The following ATRNL1 variants were observed in gnomAD, a reference collection of about 807,000 sequenced individuals.
The protein encoded by ATRNL1 is attractin like 1, also known as attractin-like protein 1.
Under a neutral mutation model 182.7 loss-of-function variants are expected in ATRNL1, and 95 were observed. The ratio of observed to expected loss-of-function variants is 0.52; its 90% CI spans 0.44 to 0.62. ATRNL1 has a LOEUF of 0.62. Among genes scored for constraint, ATRNL1 ranks in the 20% least tolerant of loss-of-function variants. ATRNL1 has a pLI of 0.00. For synonymous variants in ATRNL1, 576 were observed against 568.3 expected (o/e 1.01, Z -0.19); for missense variants, 1,471 against 1,679.5 (o/e 0.88, Z 2.17).
chr10:115,601,605 A>G (rs781953291), intron 26 of ATRNL1, among the ~76,000 whole-genome samples: 4 of 152,164 alleles, frequency 2.6e-5, no homozygotes, highest in Non-Finnish European at 5.9e-5. Context: ...ATGATTTAAC[A>G]TATTATTATG....
chr10:115,104,420 G>A (rs1034422362), intron 1 of ATRNL1, among the ~76,000 whole-genome samples: 4 of 152,152 alleles, frequency 2.6e-5, no homozygotes, highest in African/African-American at 7.2e-5. Flanking sequence ...CATTGTTTGA[G>A]CTTATTATAT....
chr10:115,920,519 T>C (rs1953019190), intron 28 of ATRNL1, among the ~76,000 whole-genome samples: 1 of 152,242 alleles, frequency 6.6e-6, no homozygotes, highest in Non-Finnish European at 1.5e-5. Flanking sequence ...ACCTGTGTTA[T>C]AGACACCCAG....
intron 13 of ATRNL1, among the ~76,000 whole-genome samples, chr10:115,269,145 G>A (rs537695219): frequency 5.3e-4 from 81 of 152,096 alleles, no homozygotes; most frequent in African/African-American, 1.9e-3. Context: ...ATTTGTTGTG[G>A]GAGGGCTGTT....
chr10:115,151,081 A>G (rs1315166592), intron 5 of ATRNL1, among the ~76,000 whole-genome samples: 1 of 152,236 alleles, frequency 6.6e-6, no homozygotes, highest in Non-Finnish European at 1.5e-5. Flanking sequence ...ATAGTATGCT[A>G]TGGTGTATAT....
At chr10:115,848,950 TC>T (rs1171824421) in intron 28 of ATRNL1, among the ~76,000 whole-genome samples, 4 of 152,344 alleles carry the variant, frequency 2.6e-5, no homozygotes, top group Non-Finnish European at 5.9e-5. Context: ...GCTTATTTTA[TC>T]TTTTCTTACT....
At chr10:115,853,830 C>T (rs1951111834) in intron 28 of ATRNL1, among the ~76,000 whole-genome samples, 1 of 152,102 alleles carries the variant, frequency 6.6e-6, no homozygotes, top group South Asian at 2.1e-4. Context: ...GCCCAGGAAA[C>T]AACAGAGATA....
intron 22 of ATRNL1, among the ~76,000 whole-genome samples, chr10:115,462,836 A>C (rs1010384149): frequency 1.3e-5 from 2 of 152,004 alleles, no homozygotes; most frequent in African/African-American, 4.8e-5. Flanking sequence ...GTGAATTTTA[A>C]TTTCAATCCA....
intron 14 of ATRNL1, among the ~76,000 whole-genome samples, chr10:115,282,228 A>G (rs1554917159): frequency 6.8e-6 from 1 of 147,468 alleles, no homozygotes; most frequent in East Asian, 1.9e-4. Context: ...ATATAATTTT[A>G]TAATAAATAC....
chr10:115,210,048 A>T (rs926844813), intron 8 of ATRNL1, among the ~76,000 whole-genome samples: 34 of 152,116 alleles, frequency 2.2e-4, no homozygotes, highest in Admixed American at 7.2e-4. Context: ...AAGTTTTTTT[A>T]AAAAAGTTTA....
At position 115,389,576 on chromosome 10, in the gene ATRNL1, A is replaced by G. The variant is rs1305758337; in HGVS notation, c.3176-5083A>G. On this transcript the variant is annotated intron_variant, in intron 19 of 28. Transcript: ENST00000355044. Reference sequence around the variant, plus strand: ...TATATATATATATATATATATATATATATATATATATATATTTCATCCAAT... The same window carrying G: ...TATATATATATATATATATATATATGTATATATATATATATTTCATCCAAT... Among the ~76,000 whole-genome samples, 545 of 111,904 alleles carry G rather than the reference A, an allele frequency of 4.9e-3. 44 individuals are homozygous for G. The highest frequency in any genetic ancestry group is 0.017 in the African/African-American group (520 of 30,600). The allele number at this position is 111,904 out of a possible 152,430, so 73.4% of individuals were successfully genotyped here. A position where few individuals can be genotyped will look rare whatever the true frequency, so the allele number is the denominator to read the frequency against.
At chr10:115,439,337 A>G (rs779524432) in intron 21 of ATRNL1, among the ~76,000 whole-genome samples, 16 of 151,892 alleles carry the variant, frequency 1.1e-4, no homozygotes, top group Non-Finnish European at 2.1e-4. Flanking sequence ...TTTAATATGT[A>G]AGTATACATC....
At chr10:115,445,994 AG>A (rs1454938315) in intron 21 of ATRNL1, among the ~76,000 whole-genome samples, 19 of 152,154 alleles carry the variant, frequency 1.2e-4, no homozygotes, top group African/African-American at 4.6e-4. Flanking sequence ...TTTACCATTC[AG>A]TTGAGGTACA....
At chr10:115,218,643 CAT>C (rs1849322873) in intron 9 of ATRNL1, among the ~76,000 whole-genome samples, 1 of 152,178 alleles carries the variant, frequency 6.6e-6, no homozygotes, top group Non-Finnish European at 1.5e-5. Flanking sequence ...ATGTTTGAAA[CAT>C]GTCAGAAATT....
chr10:115,263,263 C>A (rs2133874695), intron 10 of ATRNL1, among the ~76,000 whole-genome samples: 1 of 151,906 alleles, frequency 6.6e-6, no homozygotes, highest in East Asian at 1.9e-4. Flanking sequence ...TGCTCAACAT[C>A]ACTAATCATT....
chr10:115,209,422 GT>G (rs76528860), intron 8 of ATRNL1, among the ~76,000 whole-genome samples: 234 of 119,250 alleles, frequency 2.0e-3, no homozygotes, highest in Middle Eastern at 8.1e-3. Context: ...TTTTTATTTT[GT>G]TTTTTTTTTT....
chr10:115,225,408 G>C (rs1196633435), intron 9 of ATRNL1, among the ~76,000 whole-genome samples: 1 of 150,600 alleles, frequency 6.6e-6, no homozygotes, highest in Non-Finnish European at 1.5e-5. Flanking sequence ...AATGGGATAA[G>C]GGTGCTCGCT....
At chr10:115,824,431 A>G (rs1242683893) in intron 27 of ATRNL1, among the ~76,000 whole-genome samples, 1 of 152,216 alleles carries the variant, frequency 6.6e-6, no homozygotes, top group African/African-American at 2.4e-5. Context: ...GGAAAATGGG[A>G]TCTAATTAAA....
intron 28 of ATRNL1, among the ~76,000 whole-genome samples, chr10:115,861,273 C>A (rs782707205): frequency 6.6e-6 from 1 of 152,150 alleles, no homozygotes; most frequent in African/African-American, 2.4e-5. Context: ...ATTTTTCTTA[C>A]GCTGTCTCCG....
At chr10:115,494,549 A>G (rs1251101616) in intron 24 of ATRNL1, among the ~76,000 whole-genome samples, 1 of 152,192 alleles carries the variant, frequency 6.6e-6, no homozygotes, top group Non-Finnish European at 1.5e-5. Context: ...GTTAACATGA[A>G]GGAATGTTTG....
Sources: gnomAD v4.1 joint callset for allele counts (sites outside exome capture counted in the v4.1 genomes callset) on GRCh38, gnomAD v4.1.1 for gene constraint, MANE v1.5 for transcripts, NCBI Gene and HGNC (gene_info 2026-07-23, HGNC 2026-07-21) for gene names.